Variants in MGME1 observed in about 807,000 individuals in gnomAD.
MGME1 encodes the protein mitochondrial genome maintenance exonuclease 1.
A neutral mutation model predicts 33.0 loss-of-function variants in MGME1; 22 were observed. That is an observed-to-expected ratio of 0.67 (90% CI 0.48 to 0.95). MGME1 has a LOEUF of 0.95. Among genes scored for constraint, MGME1 ranks in the 40% least tolerant of loss-of-function variants. MGME1 has a pLI of 0.00. For missense variants in MGME1, 383 were observed against 397.8 expected (o/e 0.96, Z 0.32); for synonymous variants, 133 against 144.0 (o/e 0.92, Z 0.55).
intron 3 of MGME1, among the ~76,000 whole-genome samples, chr20:17,981,174 A>G (rs2036009389): frequency 6.6e-6 from 1 of 152,162 alleles, no homozygotes; most frequent in African/African-American, 2.4e-5. Flanking sequence ...TAGCACACAC[A>G]TAATGCTATG....
intron 3 of MGME1, among the ~76,000 whole-genome samples, chr20:17,985,036 C>CAAAAAAA (rs535060718): frequency 9.7e-6 from 1 of 103,176 alleles, no homozygotes; most frequent in Non-Finnish European, 1.9e-5. Context: ...GACTTTGTCT[C>CAAAAAAA]AAAAAAAAAA....
intron 3 of MGME1, among the ~76,000 whole-genome samples, chr20:17,985,415 C>T (rs1218989952): frequency 6.6e-6 from 1 of 152,198 alleles, no homozygotes; most frequent in Admixed American, 6.5e-5. Flanking sequence ...AAGAGTGAAA[C>T]ACCATCTCAA....
chr20:17,978,543 T>G (rs1234058468), intron 3 of MGME1, among the ~76,000 whole-genome samples: 1 of 151,982 alleles, frequency 6.6e-6, no homozygotes, highest in Non-Finnish European at 1.5e-5. Context: ...CTGCGTCATA[T>G]CTGAGAAGAG....
At chr20:17,985,417 C>T (rs1025605220) in intron 3 of MGME1, among the ~76,000 whole-genome samples, 2 of 152,070 alleles carry the variant, frequency 1.3e-5, no homozygotes, top group Non-Finnish European at 2.9e-5. Flanking sequence ...GAGTGAAACA[C>T]CATCTCAAAA....
At chr20:17,970,540 C>G (rs1396835698) in intron 2 of MGME1, among the ~76,000 whole-genome samples, 170 bp downstream of exon 2, 2 of 152,122 alleles carry the variant, frequency 1.3e-5, no homozygotes, top group African/African-American at 4.8e-5. Flanking sequence ...TCACTTGATC[C>G]TCATGGTAGT....
chr20:17,982,622 C>T (rs953339547), intron 3 of MGME1, among the ~76,000 whole-genome samples: 11 of 152,168 alleles, frequency 7.2e-5, no homozygotes, highest in African/African-American at 2.7e-4. Context: ...TGAGTGAATA[C>T]ATTTAACAAT....
chr20:17,968,917 A>T (rs560976366), upstream of MGME1: 6 of 158,098 alleles, frequency 3.8e-5, no homozygotes, highest in Non-Finnish European at 7.0e-5. Context: ...CGCTTCGGAG[A>T]CGCCGGCCCT....
At chr20:17,986,108 G>A (rs569507280) in intron 3 of MGME1, among the ~76,000 whole-genome samples, 13 of 151,222 alleles carry the variant, frequency 8.6e-5, no homozygotes, top group South Asian at 6.3e-4. Context: ...CACCCTTGTC[G>A]CCCAGGCTGC....
At chr20:17,978,773 GTTGTTT>G (rs926569591) in intron 3 of MGME1, among the ~76,000 whole-genome samples, 12 of 150,988 alleles carry the variant, frequency 7.9e-5, no homozygotes, top group Non-Finnish European at 1.0e-4. Context: ...GTTTTTTTTT[GTTGTTT>G]TTGTTTTTGT....
chr20:17,972,262 C>T (rs563563229), intron 2 of MGME1, among the ~76,000 whole-genome samples: 8 of 151,902 alleles, frequency 5.3e-5, no homozygotes, highest in African/African-American at 1.9e-4. Context: ...TAATTTCTAC[C>T]CAGTCTTCTC....
chr20:17,969,667 T>C, intron 1 of MGME1, 134 bp from the exon 2 acceptor site: 1 of 551,100 alleles, frequency 1.8e-6, no homozygotes, highest in Admixed American at 3.7e-5. Flanking sequence ...AAATTTTTTT[T>C]GGAGGCAGGG....
At chr20:17,976,128 CTTTG>C (rs563290443) in intron 3 of MGME1, among the ~76,000 whole-genome samples, 168 of 152,224 alleles carry the variant, frequency 1.1e-3, no homozygotes, top group African/African-American at 3.7e-3. Context: ...AAGGTATATT[CTTTG>C]TTTGTTTGTT....
At position 17,970,350 on chromosome 20, in the gene MGME1, G is replaced by T. The variant is rs774149563; in HGVS notation, c.491G>T (p.Gly164Val). Residue 164 changes from glycine to valine, a missense_variant, in exon 2 of 5, where the codon GGC (glycine) becomes GTC (valine). Coordinates refer to ENST00000377710, the MANE Select transcript of MGME1 (RefSeq NM_052865.4). ...QRMILELGED[G>V]FKEYTSNVFL... ...ATGATTCTGGAACTGGGAGAAGATG[G>T]CTTTAAAGAATACACTTCAAGTAAT... 6.2e-7 allele frequency: 1 copy of T among 1,612,628 alleles called. No individual in the cohort carries two copies. The highest frequency in any genetic ancestry group is 8.5e-7 in the Non-Finnish European group (1 of 1,179,606).
intron 2 of MGME1, among the ~76,000 whole-genome samples, chr20:17,974,463 G>C (rs2035809542): frequency 6.6e-6 from 1 of 152,140 alleles, no homozygotes; most frequent in Non-Finnish European, 1.5e-5. Context: ...CAAAAATCAA[G>C]TTAGATCCTG....
At chr20:17,971,040 GTT>G (rs2035715198) in intron 2 of MGME1, among the ~76,000 whole-genome samples, 1 of 152,202 alleles carries the variant, frequency 6.6e-6, no homozygotes, top group African/African-American at 2.4e-5. Context: ...TTAAAGGAAA[GTT>G]TCACATCAAT....
chr20:17,990,361 G>A lies in MGME1; in HGVS notation c.*252G>A, dbSNP rs976130049. 1.5e-5 allele frequency: 6 copies of A among 396,654 alleles called. No individual in the cohort carries two copies. The highest frequency in any genetic ancestry group is 6.4e-5 in the African/African-American group (3 of 46,558). The allele number at this position is 396,654 out of a possible 1,614,324, so 24.6% of individuals were successfully genotyped here. ...TCTTATTTACCTGAAAGGAGGACACGCAGGATGGGCAGTCATGCTGGTGAC... is the reference window on the plus strand; with the variant it reads ...TCTTATTTACCTGAAAGGAGGACACACAGGATGGGCAGTCATGCTGGTGAC... On this transcript the variant is annotated 3_prime_UTR_variant, in exon 5 of 5. Transcript: ENST00000377710.
intron 2 of MGME1, among the ~76,000 whole-genome samples, chr20:17,975,178 TTAA>T (rs2035827209): frequency 6.6e-6 from 1 of 152,174 alleles, no homozygotes; most frequent in African/African-American, 2.4e-5. Context: ...TAACGTCCTA[TTAA>T]TAATCCCGTT....
At chr20:17,976,114 G>C (rs1310962237) in intron 3 of MGME1, among the ~76,000 whole-genome samples, 3 of 152,112 alleles carry the variant, frequency 2.0e-5, no homozygotes, top group Non-Finnish European at 1.5e-5. Context: ...TTGTTTGCTG[G>C]AGAAAGGTAT....
rs1039795234 is a variant in MGME1 at position 17,980,888 on chromosome 20, CAATT to C, written c.731+4988_731+4991del. 5.3e-5 allele frequency among the ~76,000 whole-genome samples: 8 copies of C among 152,050 alleles called. No individual in the cohort carries two copies. The East Asian group carries it at 1.5e-3, about 29-fold the overall frequency. On this transcript the variant is annotated intron_variant, in intron 3 of 4. Coordinates refer to ENST00000377710, the MANE Select transcript of MGME1 (RefSeq NM_052865.4). ...TCATGTAATAATTTTCCACCACCCACAATTAACACTTAACACTGGTGCATTTGCT... is the reference window on the plus strand; with the variant it reads ...TCATGTAATAATTTTCCACCACCCACAACACTTAACACTGGTGCATTTGCT...
Sources: allele counts gnomAD v4.1 joint callset (sites outside exome capture counted in the v4.1 genomes callset), GRCh38; gene constraint gnomAD v4.1.1; transcripts MANE v1.5; gene names NCBI Gene and HGNC (gene_info 2026-07-23, HGNC 2026-07-21).